VGLL1: variants seen among roughly 807,000 people sequenced by gnomAD.
VGLL1 encodes vestigial like family member 1.
In VGLL1, 4 loss-of-function variants were observed where a neutral mutation model predicts 12.0. The ratio of observed to expected loss-of-function variants is 0.33; its 90% CI spans 0.16 to 0.76. VGLL1 has a LOEUF of 0.76. VGLL1 is among the 30% of genes least tolerant of loss of function. VGLL1 has a pLI of 0.60. For synonymous variants in VGLL1, 87 were observed against 81.2 expected, an observed-to-expected ratio of 1.07 and a Z score of -0.39; for missense variants, 204 against 208.7, an observed-to-expected ratio of 0.98 and a Z score of 0.14.
chrX:136,540,428 T>C (rs1409497598), intron 2 of VGLL1, among the ~76,000 whole-genome samples: 1 of 111,467 alleles, frequency 9.0e-6, no homozygotes, highest in East Asian at 2.8e-4. Flanking sequence ...TGGAATGCTC[T>C]TTCCCCAGAT....
intron 2 of VGLL1, among the ~76,000 whole-genome samples, chrX:136,541,041 GT>G (rs2075854903): frequency 8.9e-6 from 1 of 112,582 alleles, no homozygotes; most frequent in Non-Finnish European, 1.9e-5. Context: ...CCAAGCTTGA[GT>G]TGAGTTTTTG....
chrX:136,532,675 CTTCT>C (rs1423117017), intron 1 of VGLL1, among the ~76,000 whole-genome samples: 8 of 66,686 alleles, frequency 1.2e-4, no homozygotes, highest in African/African-American at 1.7e-4. Flanking sequence ...TTCTTTCTTT[CTTCT>C]TTCTTTCTTT....
chrX:136,549,793 T>A (rs1467667240), intron 3 of VGLL1, among the ~76,000 whole-genome samples: 1 of 111,640 alleles, frequency 9.0e-6, no homozygotes, highest in East Asian at 2.8e-4. Context: ...CACCAAAAAA[T>A]CAACCTACTC....
chrX:136,556,230 C>T lies in VGLL1; in HGVS notation c.689-221C>T, dbSNP rs146724939. On this transcript the variant is annotated intron_variant, in intron 4 of 4. Transcript: ENST00000370634. Reference sequence around the variant, plus strand: ...CTCATTAGAAATTGAGTAAACTGCCCGTCACAAGTTGAATAAATTCTGTTG... The same window carrying T: ...CTCATTAGAAATTGAGTAAACTGCCTGTCACAAGTTGAATAAATTCTGTTG... 1.0e-3 allele frequency among the ~76,000 whole-genome samples: 116 copies of T among 111,605 alleles called. 1 individual carries two copies. The East Asian group carries it at 0.018, about 17-fold the overall frequency.
rs997426422 is a variant in VGLL1, at chrX:136,556,661, C to T, written c.*122C>T. 6 of 609,254 alleles carry T rather than the reference C, an allele frequency of 9.8e-6. No individual in the cohort carries two copies. Among genetic ancestry groups the T allele is most frequent in the African/African-American group, 8.8e-5 (4 of 45,267 alleles). 50.2% of individuals were successfully genotyped at this position (609,254 alleles called of 1,213,427 possible). ...CTTGCCTCCCCAATCTGTTAAACAG[C>T]TTCGTGTCTAGTATGAGCTCAGTAC... On this transcript the variant is annotated 3_prime_UTR_variant, in exon 5 of 5. Transcript: ENST00000370634.
intron 2 of VGLL1, 83 bp from the exon 3 acceptor site, chrX:136,548,506 A>G: frequency 2.1e-6 from 2 of 965,789 alleles, no homozygotes; most frequent in Middle Eastern, 2.7e-4. Context: ...GTTAAAAAAA[A>G]TAGAGTATGT....
intron 2 of VGLL1, among the ~76,000 whole-genome samples, chrX:136,547,125 G>A: frequency 8.9e-6 from 1 of 112,262 alleles, no homozygotes; most frequent in Non-Finnish European, 1.9e-5. Context: ...GGTTTGTATG[G>A]GAAAGAGGAC....
chrX:136,532,601 CTTT>C (rs2075826480), intron 1 of VGLL1, among the ~76,000 whole-genome samples: 2 of 80,460 alleles, frequency 2.5e-5, no homozygotes, highest in East Asian at 7.5e-4. Context: ...TTCTTTCTTT[CTTT>C]CTTTCTTTCT....
At chrX:136,532,661 C>CTTT (rs202001013) in intron 1 of VGLL1, among the ~76,000 whole-genome samples, 1 of 60,697 alleles carries the variant, frequency 1.6e-5, no homozygotes, top group African/African-American at 6.3e-5. Context: ...TTCTTTCTTT[C>CTTT]TTTTTCTTTC....
chrX:136,544,034 C>T lies in VGLL1; in HGVS notation c.215-4555C>T, dbSNP rs749064413. ...ATTCAGGAAACAAAAACCACATGTA[C>T]ATCCATGGACATGTACTAATTTTTA... On this transcript the variant is annotated intron_variant, in intron 2 of 4. Transcript: ENST00000370634. Among the ~76,000 whole-genome samples, 5 of 112,038 alleles carry T rather than the reference C, an allele frequency of 4.5e-5. No individual in the cohort carries two copies. In the South Asian group the frequency reaches 1.8e-3, roughly 41 times the overall value.
Position 136,548,686 on chromosome X carries a change from G to A in VGLL1, c.312G>A (p.Leu104=), listed in dbSNP as rs775102243. Residue 104 remains leucine (L), a synonymous_variant, in exon 3 of 5, where the codon TTG becomes TTA. Transcript: ENST00000370634. Reference sequence around the variant, plus strand: ...CAAACCGTGCCGCCAACTGCAACTTGCATGTGCCTGGTCCCATGGCTGTGA... The same window carrying A: ...CAAACCGTGCCGCCAACTGCAACTTACATGTGCCTGGTCCCATGGCTGTGA... The part of the protein sequence containing the change: ...PVTNRAANCN[L]HVPGPMAVNQ... 35 of 1,210,558 alleles carry A rather than the reference G, an allele frequency of 2.9e-5. No homozygotes were observed. In the East Asian group the frequency reaches 7.4e-4, roughly 26 times the overall value.
At chrX:136,555,074 G>A (rs1297123739) in intron 4 of VGLL1, among the ~76,000 whole-genome samples, 2 of 111,980 alleles carry the variant, frequency 1.8e-5, no homozygotes, top group African/African-American at 3.2e-5. Flanking sequence ...AGGAACAAAC[G>A]GAGGAGACTG....
chrX:136,533,527 T>C (rs755233663), intron 1 of VGLL1, among the ~76,000 whole-genome samples: 1 of 111,273 alleles, frequency 9.0e-6, no homozygotes, highest in East Asian at 2.8e-4. Context: ...CAAAGAGAGA[T>C]TGCAAGCTGT....
chrX:136,536,202 C>T lies in VGLL1; in HGVS notation c.182C>T (p.Ser61Leu), dbSNP rs752195098. Reference protein sequence around the residue: ...NIKSPQELTPSSQSEGVMLKN... With the variant: ...NIKSPQELTPLSQSEGVMLKN... ...AAGAGCCCCCAGGAATTGACCCCCT[C>T]GAGTCAGAGTGAAGGTGTGATGCTG... Residue 61 changes from serine to leucine, a missense_variant, in exon 2 of 5, where the codon TCG becomes TTG. Physicochemically the swap from Ser to Leu is moderately radical, Grantham distance 145 (BLOSUM62 -2). Coordinates refer to ENST00000370634, the MANE Select transcript of VGLL1 (RefSeq NM_016267.4). The T allele has an allele frequency of 1.2e-5, 14 of 1,208,651 alleles. No homozygotes were observed. Among genetic ancestry groups the T allele is most frequent in the South Asian group, 3.5e-5 (2 of 56,670 alleles).
chrX:136,537,779 A>G lies in VGLL1; in HGVS notation c.214+1545A>G, dbSNP rs1196617245. On this transcript the variant is annotated intron_variant, in intron 2 of 4. Coordinates refer to ENST00000370634, the MANE Select transcript of VGLL1 (RefSeq NM_016267.4). ...CAGGATCTCGCTATGTTGCCCAGGC[A>G]GGTCTTAGATTCCTGACCTCGAGCG... is the stretch of plus-strand genomic sequence containing the variant. Among the ~76,000 whole-genome samples, 11 of 107,183 alleles carry G rather than the reference A, an allele frequency of 1.0e-4. No homozygotes were observed. In the Admixed American group the frequency reaches 1.1e-3, roughly 11 times the overall value. The allele number at this position is 107,183 out of a possible 115,157, so 93.1% of individuals were successfully genotyped here. A position where few individuals can be genotyped will look rare whatever the true frequency, so the allele number is the denominator to read the frequency against.
At chrX:136,532,579 TTC>T (rs1432408915) in intron 1 of VGLL1, among the ~76,000 whole-genome samples, 1 of 9,623 alleles carries the variant, frequency 1.0e-4, no homozygotes, top group Non-Finnish European at 2.0e-4. Flanking sequence ...AAATATTTCT[TTC>T]TTTCTTTCTT....
At chrX:136,548,314 A>G (rs1449252496) in intron 2 of VGLL1, among the ~76,000 whole-genome samples, 3 of 111,850 alleles carry the variant, frequency 2.7e-5, no homozygotes, top group Admixed American at 1.9e-4. Context: ...TCATTTCTAT[A>G]GGAGGCTTTT....
chrX:136,548,616 G>A lies in VGLL1; in HGVS notation c.242G>A (p.Arg81His), dbSNP rs755567094. 6.0e-5 allele frequency: 72 copies of A among 1,209,540 alleles called. No homozygotes were observed. The Admixed American group carries it at 1.4e-3, about 23-fold the overall frequency. Residue 81 changes from arginine to histidine, a missense_variant, in exon 3 of 5, where the codon CGT (arginine) becomes CAT (histidine). Coordinates refer to ENST00000370634, the MANE Select transcript of VGLL1 (RefSeq NM_016267.4). Reference sequence around the variant, plus strand: ...GATAGCATGTCTCCAAATCAGTGGCGTTACTCGTCTCCATGGACAAAGCCA... The same window carrying A: ...GATAGCATGTCTCCAAATCAGTGGCATTACTCGTCTCCATGGACAAAGCCA... ...NDDSMSPNQW[R>H]YSSPWTKPQP...
intron 1 of VGLL1, among the ~76,000 whole-genome samples, chrX:136,532,995 C>T (rs2075830156): frequency 9.0e-6 from 1 of 110,778 alleles, no homozygotes; most frequent in Non-Finnish European, 1.9e-5. Flanking sequence ...CGAGACACAC[C>T]CCAGCAATTA....
Sources: allele counts gnomAD v4.1 joint callset (sites outside exome capture counted in the v4.1 genomes callset), GRCh38; gene constraint gnomAD v4.1.1; transcripts MANE v1.5; gene names NCBI Gene and HGNC (gene_info 2026-07-23, HGNC 2026-07-21).